The following CEP70 variants were observed in gnomAD, a reference collection of about 807,000 sequenced individuals.
CEP70 encodes centrosomal protein 70, also known as centrosomal protein of 70 kDa.
In CEP70, 70 loss-of-function variants were observed where a neutral mutation model predicts 90.9. The observed-to-expected ratio is 0.77, with a 90% confidence interval of 0.64 to 0.94. CEP70 has a LOEUF of 0.94. CEP70 is among the 40% of genes least tolerant of loss of function. The pLI is 0.00. For synonymous variants in CEP70, 220 were observed against 228.3 expected (o/e 0.96, Z 0.33); for missense variants, 648 against 669.0 (o/e 0.97, Z 0.35).
chr3:138,570,672 T>C (rs1172216621), intron 5 of CEP70, among the ~76,000 whole-genome samples, 174 bp from the exon 6 acceptor site: 1 of 152,246 alleles, frequency 6.6e-6, no homozygotes, highest in Non-Finnish European at 1.5e-5. Context: ...TTGGAATATT[T>C]GCATCATACT....
intron 2 of CEP70, among the ~76,000 whole-genome samples, chr3:138,584,710 T>C (rs532265039): frequency 1.3e-5 from 2 of 152,054 alleles, no homozygotes; most frequent in South Asian, 4.1e-4. Context: ...TCGTTTCAAC[T>C]GATACTGAAA....
At chr3:138,502,443 C>T (rs566352593) in intron 13 of CEP70, among the ~76,000 whole-genome samples, 1 of 152,150 alleles carries the variant, frequency 6.6e-6, no homozygotes, top group East Asian at 1.9e-4. Flanking sequence ...GTATCTTTAA[C>T]CTTTCAATTG....
At chr3:138,536,633 T>A (rs1408897919) in intron 7 of CEP70, among the ~76,000 whole-genome samples, 6 of 151,888 alleles carry the variant, frequency 4.0e-5, no homozygotes, top group Non-Finnish European at 8.8e-5. Flanking sequence ...TATTATAGGA[T>A]ATAGCAAATA....
At chr3:138,529,595 TAGAG>T (rs1461366489) in intron 8 of CEP70, 133 bp from the exon 9 acceptor site, 1 of 626,764 alleles carries the variant, frequency 1.6e-6, no homozygotes, top group African/African-American at 1.8e-5. Flanking sequence ...CTTGTTCTCA[TAGAG>T]AATGGTATTA....
intron 11 of CEP70, among the ~76,000 whole-genome samples, chr3:138,510,251 T>TA (rs60383710): frequency 0.21 from 28,808 of 136,258 alleles, 3,039 homozygotes; most frequent in East Asian, 0.38. Context: ...CCCTGTCTAC[T>TA]AAAAAAAAAA....
intron 2 of CEP70, among the ~76,000 whole-genome samples, chr3:138,578,380 C>G (rs988272826): frequency 1.3e-5 from 2 of 152,168 alleles, no homozygotes; most frequent in Non-Finnish European, 2.9e-5. Flanking sequence ...CTCCCTAATT[C>G]ATTGGTATCG....
chr3:138,508,426 A>C lies in CEP70; in HGVS notation c.1050+13T>G. On this transcript the variant is annotated intron_variant, in intron 12 of 17. Transcript: ENST00000264982. ...AACATCAGTCTTTTTGTCATGAAAA[A>C]TCAATTCAATACCTGAAAGTATCTC... 2.6e-6 allele frequency: 4 copies of C among 1,525,472 alleles called. No individual in the cohort carries two copies. The allele number at this position is 1,525,472 out of a possible 1,614,324, so 94.5% of individuals were successfully genotyped here.
At chr3:138,516,936 A>G (rs901631369) in intron 11 of CEP70, among the ~76,000 whole-genome samples, 11 of 152,218 alleles carry the variant, frequency 7.2e-5, no homozygotes, top group African/African-American at 2.7e-4. Flanking sequence ...AATCTTCAGA[A>G]AACACAATCA....
At chr3:138,593,367 C>A (rs2042482606) in intron 1 of CEP70, among the ~76,000 whole-genome samples, 1 of 151,566 alleles carries the variant, frequency 6.6e-6, no homozygotes, top group African/African-American at 2.4e-5. Flanking sequence ...GGATTACAGG[C>A]GCACACCACC....
intron 7 of CEP70, 173 bp downstream of exon 7, chr3:138,537,005 A>C: frequency 6.1e-6 from 2 of 330,452 alleles, no homozygotes; most frequent in Non-Finnish European, 1.1e-5. Context: ...CTAGAACAAA[A>C]AAAAAAAAAA....
intron 8 of CEP70, chr3:138,530,684 C>A: frequency 1.0e-6 from 1 of 985,394 alleles, no homozygotes; most frequent in Non-Finnish European, 1.2e-6. Context: ...CCTACTTAGG[C>A]CTCCAAATCT....
At chr3:138,498,257 C>T in intron 16 of CEP70, 147 bp from the exon 17 acceptor site, 2 of 570,106 alleles carry the variant, frequency 3.5e-6, no homozygotes, top group East Asian at 3.3e-5. Flanking sequence ...TCTTTCTGAG[C>T]TTTTTGTTAA....
intron 6 of CEP70, among the ~76,000 whole-genome samples, chr3:138,542,103 C>T (rs1560371808): frequency 1.3e-5 from 2 of 152,196 alleles, no homozygotes; most frequent in Non-Finnish European, 1.5e-5. Context: ...AAGGGCAAGC[C>T]AGGTGCAGAG....
intron 1 of CEP70, 121 bp from the exon 2 acceptor site, chr3:138,592,077 AC>A (rs1420812153): frequency 7.8e-6 from 4 of 513,990 alleles, no homozygotes; most frequent in Non-Finnish European, 1.4e-5. Flanking sequence ...TAAAGCAGGC[AC>A]AACTGAAATA....
At chr3:138,565,379 G>T (rs2040708247) in intron 6 of CEP70, among the ~76,000 whole-genome samples, 1 of 152,062 alleles carries the variant, frequency 6.6e-6, no homozygotes, top group South Asian at 2.1e-4. Flanking sequence ...AAAAGAGCCT[G>T]CATAGCCAAG....
intron 9 of CEP70, 21 bp from the exon 10 acceptor site, chr3:138,529,308 A>G (rs2037589451): frequency 7.6e-6 from 12 of 1,578,338 alleles, no homozygotes; most frequent in South Asian, 1.2e-5. Context: ...TTTCATAGAA[A>G]AATAATTAAC....
rs984711464 is a variant in CEP70 at position 138,496,475 on chromosome 3, T to G, written c.1733-1399A>C. ...GTACAAGATCAAGGTATTCCCTGAC[T>G]CCGCCCCCTGCCCATTCTGAAATTA... is the stretch of plus-strand genomic sequence containing the variant. On this transcript the variant is annotated intron_variant, in intron 17 of 17. Coordinates refer to ENST00000264982, the MANE Select transcript of CEP70 (RefSeq NM_024491.4). 29 of 985,316 alleles carry G rather than the reference T, an allele frequency of 2.9e-5. No homozygotes were observed. In the African/African-American group the frequency reaches 4.9e-4, roughly 17 times the overall value. 61.0% of individuals were successfully genotyped at this position (985,316 alleles called of 1,614,324 possible).
At chr3:138,553,111 T>C (rs1183600634) in intron 6 of CEP70, among the ~76,000 whole-genome samples, 1 of 152,042 alleles carries the variant, frequency 6.6e-6, no homozygotes, top group Non-Finnish European at 1.5e-5. Flanking sequence ...ACACAACTCC[T>C]AGTTTAAATC....
chr3:138,520,683 A>G (rs376086511), intron 11 of CEP70, among the ~76,000 whole-genome samples: 1,871 of 152,362 alleles, frequency 0.012, 36 homozygotes, highest in African/African-American at 0.041. Flanking sequence ...CATTTAAAGC[A>G]GTGTGTAGAG....
Sources: allele counts gnomAD v4.1 joint callset (sites outside exome capture counted in the v4.1 genomes callset), GRCh38; gene constraint gnomAD v4.1.1; transcripts MANE v1.5; gene names NCBI Gene and HGNC (gene_info 2026-07-23, HGNC 2026-07-21).